Variants in DCHS2 observed in about 807,000 individuals in gnomAD.
The protein encoded by DCHS2 is protocadherin-23.
Under a neutral mutation model 182.4 loss-of-function variants are expected in DCHS2, and 142 were observed. The observed-to-expected ratio is 0.78, with a 90% confidence interval of 0.68 to 0.89. The LOEUF (loss-of-function observed/expected upper bound fraction) is 0.89. DCHS2 is among the 40% of genes least tolerant of loss of function. The pLI is 0.00. For synonymous variants in DCHS2, 1,740 were observed against 1,663.3 expected, an observed-to-expected ratio of 1.05 and a Z score of -1.12; for missense variants, 4,319 against 4,198.6, an observed-to-expected ratio of 1.03 and a Z score of -0.79.
chr4:154,377,776 C>A (rs919621239), intron 1 of DCHS2, among the ~76,000 whole-genome samples: 2 of 152,156 alleles, frequency 1.3e-5, no homozygotes, highest in Non-Finnish European at 2.9e-5. Flanking sequence ...CTCATCCAAT[C>A]TCAAAGATTT....
At chr4:154,461,372 C>T (rs1030876856) in intron 1 of DCHS2, among the ~76,000 whole-genome samples, 1 of 152,004 alleles carries the variant, frequency 6.6e-6, no homozygotes, top group African/African-American at 2.4e-5. Flanking sequence ...AATAATAAAA[C>T]ATAGTTCTGA....
chr4:154,256,808 C>T (rs1201436303), intron 15 of DCHS2, among the ~76,000 whole-genome samples: 1 of 152,112 alleles, frequency 6.6e-6, no homozygotes, highest in Non-Finnish European at 1.5e-5. Flanking sequence ...TTATCCTTCA[C>T]TTTGCTGCCA....
intron 12 of DCHS2, among the ~76,000 whole-genome samples, chr4:154,301,262 C>G (rs567873800): frequency 1.1e-4 from 17 of 152,162 alleles, no homozygotes; most frequent in African/African-American, 4.1e-4. Flanking sequence ...TGCTATCAAC[C>G]AAATTATAGA....
intron 3 of DCHS2, among the ~76,000 whole-genome samples, chr4:154,353,586 C>A (rs1484778202): frequency 2.0e-5 from 3 of 152,204 alleles, no homozygotes; most frequent in Non-Finnish European, 4.4e-5. Context: ...GACATGATGA[C>A]CCCTTGCTCT....
At chr4:154,400,217 G>A (rs1732107847) in intron 1 of DCHS2, among the ~76,000 whole-genome samples, 1 of 147,962 alleles carries the variant, frequency 6.8e-6, no homozygotes, top group African/African-American at 2.5e-5. Flanking sequence ...GCAGGAGAAT[G>A]GTGTGAACCC....
chr4:154,384,436 T>A (rs1731311009), intron 1 of DCHS2: 2 of 1,610,956 alleles, frequency 1.2e-6, no homozygotes, highest in Admixed American at 1.7e-5. Context: ...CAGAGCTCAG[T>A]CTCGGGACTA....
intron 1 of DCHS2, among the ~76,000 whole-genome samples, chr4:154,403,072 T>C (rs903083419): frequency 1.3e-5 from 2 of 152,228 alleles, no homozygotes; most frequent in Non-Finnish European, 2.9e-5. Context: ...TATTATAGAT[T>C]ACTTAGGCTT....
chr4:154,377,403 A>G lies in DCHS2; in HGVS notation c.2094T>C (p.Ile698=), dbSNP rs1172559423. Residue 698 remains isoleucine, a synonymous_variant, in exon 2 of 20, where the codon ATT becomes ATC. Transcript: ENST00000357232. The part of the protein sequence containing the change: ...SDADSGLYGF[I]EYSLYDGFLS... ...GGAATCCATCATAAAGAGAATATTCAATAAAGCCATAGAGTCCTGAATCTG... is the reference window on the plus strand; with the variant it reads ...GGAATCCATCATAAAGAGAATATTCGATAAAGCCATAGAGTCCTGAATCTG... The G allele has an allele frequency of 6.2e-7, 1 of 1,613,466 alleles. No homozygotes were observed. The highest frequency in any genetic ancestry group is 1.7e-5 in the Admixed American group (1 of 59,962).
chr4:154,319,546 A>G (rs1466327972), intron 9 of DCHS2, among the ~76,000 whole-genome samples: 1 of 151,950 alleles, frequency 6.6e-6, no homozygotes, highest in Non-Finnish European at 1.5e-5. Flanking sequence ...AAAAAGACAT[A>G]CAAATGGCTA....
chr4:154,452,453 G>C lies in DCHS2; in HGVS notation c.2052+36851C>G, dbSNP rs183092418. ...AGCCTGGCCAACATGGTGAAACCTC[G>C]TCTCTAATAAAAATACAAAAATTAG... On this transcript the variant is annotated intron_variant, in intron 1 of 19. Coordinates refer to ENST00000357232, the MANE Select transcript of DCHS2 (RefSeq NM_001358235.2). Among the ~76,000 whole-genome samples the C allele has an allele frequency of 6.6e-3, 1,006 of 151,902 alleles. 6 individuals carry two copies. Among genetic ancestry groups the C allele is most frequent in the Non-Finnish European group, 0.012 (785 of 67,902 alleles).
At chr4:154,394,505 G>C (rs935095202) in intron 1 of DCHS2, among the ~76,000 whole-genome samples, 4 of 152,122 alleles carry the variant, frequency 2.6e-5, no homozygotes, top group Non-Finnish European at 5.9e-5. Context: ...ACATCCAACA[G>C]GAATATCTTA....
At chr4:154,325,329 G>A (rs1309828220) in intron 7 of DCHS2, among the ~76,000 whole-genome samples, 23 of 79,574 alleles carry the variant, frequency 2.9e-4, no homozygotes, top group Non-Finnish European at 5.4e-4. Context: ...GTGTGTGTGT[G>A]TGTGTGTGTG....
At chr4:154,237,390 G>A in intron 19 of DCHS2, 2 of 537,480 alleles carry the variant, frequency 3.7e-6, no homozygotes, top group South Asian at 1.1e-4. Context: ...AAATATGTGT[G>A]CTGCTTGAGG....
chr4:154,275,815 A>G (rs1197208641), intron 13 of DCHS2, among the ~76,000 whole-genome samples: 2 of 152,186 alleles, frequency 1.3e-5, no homozygotes, highest in East Asian at 3.8e-4. Context: ...CTGCTTGCAT[A>G]GAAAAGAATA....
intron 1 of DCHS2, among the ~76,000 whole-genome samples, chr4:154,463,819 A>G (rs1488072360): frequency 6.6e-6 from 1 of 152,100 alleles, no homozygotes; most frequent in Non-Finnish European, 1.5e-5. Flanking sequence ...ATACATCAGC[A>G]TAGAGACTTC....
chr4:154,474,761 A>G (rs1200719868), intron 1 of DCHS2, among the ~76,000 whole-genome samples: 3 of 152,216 alleles, frequency 2.0e-5, no homozygotes, highest in Non-Finnish European at 4.4e-5. Context: ...TATCCATGAA[A>G]TAAGGATAAG....
chr4:154,304,635 AC>A (rs775124199), intron 12 of DCHS2, 33 bp downstream of exon 12: 5 of 357,160 alleles, frequency 1.4e-5, no homozygotes, highest in South Asian at 9.3e-5. Context: ...TCTTAAAAAA[AC>A]AAACAAACAA....
intron 12 of DCHS2, among the ~76,000 whole-genome samples, chr4:154,299,639 G>A (rs1447023704): frequency 6.6e-6 from 1 of 152,124 alleles, no homozygotes; most frequent in Non-Finnish European, 1.5e-5. Flanking sequence ...TTGTATTCAT[G>A]AGGAACAGTT....
chr4:154,343,923 C>G (rs377602713), intron 3 of DCHS2, among the ~76,000 whole-genome samples: 2 of 152,174 alleles, frequency 1.3e-5, no homozygotes, highest in African/African-American at 4.8e-5. Flanking sequence ...TCATATCTAG[C>G]TTTTGATTTA....
Sources: allele counts gnomAD v4.1 joint callset (sites outside exome capture counted in the v4.1 genomes callset), GRCh38; gene constraint gnomAD v4.1.1; transcripts MANE v1.5; gene names NCBI Gene and HGNC (gene_info 2026-07-23, HGNC 2026-07-21).